Variants in CHAT observed in about 807,000 individuals in gnomAD.
CHAT encodes choline O-acetyltransferase, also known as acetyl CoA:choline O-acetyltransferase.
A neutral mutation model predicts 76.9 loss-of-function variants in CHAT; 61 were observed. That is an observed-to-expected ratio of 0.79 (90% CI 0.65 to 0.98). The LOEUF is 0.98. Ranked by LOEUF, CHAT falls within the 50% of genes least tolerant of loss-of-function variation. The pLI, the probability that CHAT is intolerant of heterozygous loss-of-function variation, is 0.00. For synonymous variants in CHAT, 407 were observed against 397.4 expected (o/e 1.02, Z -0.29); for missense variants, 946 against 986.9 (o/e 0.96, Z 0.56).
At chr10:49,612,147 C>T (rs755315988), upstream of CHAT, 1 of 1,611,730 alleles carries the variant, frequency 6.2e-7, no homozygotes. Context: ...TGCTGCTGCT[C>T]CGCAACGTGG....
chr10:49,626,917 CAT>C (rs773178689), intron 6 of CHAT, among the ~76,000 whole-genome samples: 3 of 152,262 alleles, frequency 2.0e-5, no homozygotes, highest in East Asian at 3.9e-4. Flanking sequence ...CACATGCACA[CAT>C]GTGTAGGTGC....
At chr10:49,640,820 G>C (rs1041484373) in intron 7 of CHAT, among the ~76,000 whole-genome samples, 1 of 152,210 alleles carries the variant, frequency 6.6e-6, no homozygotes, top group Non-Finnish European at 1.5e-5. Flanking sequence ...TGACTAGAGA[G>C]AGCAGGCTTT....
At chr10:49,650,974 G>A (rs529534733) in intron 10 of CHAT, among the ~76,000 whole-genome samples, 6 of 152,244 alleles carry the variant, frequency 3.9e-5, no homozygotes, top group South Asian at 2.1e-4. Flanking sequence ...CCAGGGACCT[G>A]AGCAGACCCC....
upstream of CHAT, chr10:49,610,335 C>G (rs1838255704): frequency 1.1e-5 from 2 of 185,722 alleles, no homozygotes; most frequent in South Asian, 1.9e-4. Flanking sequence ...GGGAGGGGAG[C>G]GCAGCGGCGG....
chr10:49,658,414 AG>A (rs1398960636), intron 13 of CHAT, among the ~76,000 whole-genome samples: 1 of 152,178 alleles, frequency 6.6e-6, no homozygotes, highest in African/African-American at 2.4e-5. Context: ...CTACTCGGGA[AG>A]GCTGAGGCAG....
intron 11 of CHAT, among the ~76,000 whole-genome samples, chr10:49,653,536 C>A (rs576859603): frequency 6.6e-6 from 1 of 152,204 alleles, no homozygotes; most frequent in Non-Finnish European, 1.5e-5. Context: ...GACACAGCAG[C>A]CCAGTGTCCC....
intron 4 of CHAT, among the ~76,000 whole-genome samples, chr10:49,621,103 T>C (rs962788647): frequency 1.4e-4 from 22 of 152,208 alleles, no homozygotes; most frequent in Admixed American, 1.4e-3. Flanking sequence ...ACTGAGCCGT[T>C]GGAAGGGCCT....
At chr10:49,656,610 C>T (rs2132836223) in intron 13 of CHAT, among the ~76,000 whole-genome samples, 1 of 152,290 alleles carries the variant, frequency 6.6e-6, no homozygotes, top group Non-Finnish European at 1.5e-5. Flanking sequence ...TCAAGAAGGG[C>T]ACCACGTGCA....
In CHAT at chr10:49,649,586, C is replaced by T. The variant is rs1839801320; in HGVS notation, c.1461C>T (p.Cys487=). The change falls in exon 10 of 15, where the codon TGC becomes TGT. Residue 487 remains cysteine (C), a synonymous_variant. Transcript: ENST00000337653. ...LPAPRRLRWK[C]SPEIQGHLAS... ...CCCCCCGGAGGCTGCGGTGGAAATG[C>T]TCCCCGGAAATTCAAGGCCACTTAG... 1.2e-5 allele frequency: 20 copies of T among 1,613,896 alleles called. No homozygotes were observed. The highest frequency in any genetic ancestry group is 1.6e-5 in the Non-Finnish European group (19 of 1,180,030).
At position 49,658,711 on chromosome 10, in the gene CHAT, AAAAC is replaced by A. The variant is rs1289293113; in HGVS notation, c.1839+3279_1839+3282del. ...GCGACACAGCAAGACTCCTTCTCAA[AAAAC>A]AAACAAACAAACAAAAACTTGAAAT... On this transcript the variant is annotated intron_variant, in intron 13 of 14. Coordinates refer to ENST00000337653, the MANE Select transcript of CHAT (RefSeq NM_020549.5). Among the ~76,000 whole-genome samples the A allele has an allele frequency of 7.9e-5, 12 of 152,362 alleles. No individual in the cohort carries two copies. In the East Asian group the frequency reaches 9.6e-4, roughly 12 times the overall value.
chr10:49,629,599 G>A (rs866483647), intron 7 of CHAT, among the ~76,000 whole-genome samples: 30 of 152,244 alleles, frequency 2.0e-4, no homozygotes, highest in African/African-American at 7.2e-4. Context: ...ACGCCCTTCA[G>A]GGCTGGCTGG....
chr10:49,617,779 T>C (rs936450829), intron 2 of CHAT, among the ~76,000 whole-genome samples: 54 of 151,992 alleles, frequency 3.6e-4, no homozygotes, highest in Admixed American at 6.6e-5. Flanking sequence ...ATCAGCTGGG[T>C]TGGGGGCCCA....
intron 7 of CHAT, among the ~76,000 whole-genome samples, chr10:49,628,111 C>T (rs555537309): frequency 1.3e-5 from 2 of 151,922 alleles, no homozygotes; most frequent in East Asian, 1.9e-4. Context: ...TGGTGGGTGG[C>T]GCTCACTGAT....
In CHAT at chr10:49,625,587, G is replaced by A. The variant is rs574542737; in HGVS notation, c.867G>A (p.Thr289=). The A allele has an allele frequency of 2.5e-5, 40 of 1,608,676 alleles. 1 individual carries two copies. In the African/African-American group the frequency reaches 3.1e-4, roughly 12 times the overall value. Reference sequence around the variant, plus strand: ...GGCTCCCCGGCCATACCCAGGACACGCTGGTGGCTCAGAACAGCAGCATCA... The same window carrying A: ...GGCTCCCCGGCCATACCCAGGACACACTGGTGGCTCAGAACAGCAGCATCA... ...SYRLPGHTQD[T]LVAQNSSIMP... is the part of the protein sequence containing the mutation. The change falls in exon 6 of 15, where the codon ACG becomes ACA. Residue 289 remains threonine, a synonymous_variant. Coordinates refer to ENST00000337653, the MANE Select transcript of CHAT (RefSeq NM_020549.5).
intron 7 of CHAT, among the ~76,000 whole-genome samples, chr10:49,630,937 A>G (rs1181123685): frequency 6.6e-6 from 1 of 152,186 alleles, no homozygotes; most frequent in Non-Finnish European, 1.5e-5. Flanking sequence ...AGCCTCCTGG[A>G]AAGTGGGAAA....
chr10:49,610,604 C>T (rs1271737211), upstream of CHAT: 7 of 818,844 alleles, frequency 8.5e-6, no homozygotes, highest in Non-Finnish European at 1.2e-5. Flanking sequence ...CCATGAGCTC[C>T]GCGGCCACCT....
intron 11 of CHAT, among the ~76,000 whole-genome samples, chr10:49,652,683 C>T (rs1564492255): frequency 1.3e-5 from 2 of 152,238 alleles, no homozygotes; most frequent in Non-Finnish European, 2.9e-5. Flanking sequence ...TTACTTTCCA[C>T]ATGAAACTTC....
At chr10:49,611,739 G>T (rs1323911631), upstream of CHAT, 2 of 1,604,992 alleles carry the variant, frequency 1.2e-6, no homozygotes, top group Non-Finnish European at 1.7e-6. Context: ...CCTGGCTGCC[G>T]GCCTTCGTGC....
chr10:49,622,034 G>GATGGAGA, intron 4 of CHAT, 63 bp from the exon 5 acceptor site: 1 of 1,498,598 alleles, frequency 6.7e-7, no homozygotes, highest in Non-Finnish European at 9.3e-7. Context: ...AGGCAGAAGG[G>GATGGAGA]AGGGAGGGAG....
Sources: allele counts gnomAD v4.1 joint callset (sites outside exome capture counted in the v4.1 genomes callset), GRCh38; gene constraint gnomAD v4.1.1; transcripts MANE v1.5; gene names NCBI Gene and HGNC (gene_info 2026-07-23, HGNC 2026-07-21).